The following TOP2A variants were observed in gnomAD, a reference collection of about 807,000 sequenced individuals.
TOP2A encodes DNA topoisomerase II alpha, also known as DNA topoisomerase 2-alpha.
A neutral mutation model predicts 187.2 loss-of-function variants in TOP2A; 68 were observed. The observed-to-expected ratio is 0.36, with a 90% CI of 0.30 to 0.44. The LOEUF is 0.44. Ranked by LOEUF, TOP2A falls within the 20% of genes least tolerant of loss-of-function variation. The probability of loss-of-function intolerance (pLI) is 1.00; values close to 1 mark genes in which losing one functional copy is unlikely to be tolerated. For synonymous variants in TOP2A, 542 were observed against 593.2 expected (o/e 0.91, Z 1.25); for missense variants, 1,196 against 1,808.7 (o/e 0.66, Z 6.14).
rs2035167601 is a variant in TOP2A, at chr17:40,400,652, G to A, written c.2676C>T (p.Tyr892=). ...CTTCAATAGTACCCTTGAAGTTCTTGTAACTTGGAAGCTAAATTGGCATTT... is the reference window on the plus strand; with the variant it reads ...CTTCAATAGTACCCTTGAAGTTCTTATAACTTGGAAGCTAAATTGGCATTT... ...GEEPLPMLPS[Y]KNFKGTIEEL... The change falls in exon 22 of 35, where the codon TAC becomes TAT. Residue 892 remains tyrosine (Y), a synonymous_variant. Coordinates refer to ENST00000423485, the MANE Select transcript of TOP2A (RefSeq NM_001067.4). 14 of 1,591,290 alleles carry A rather than the reference G, an allele frequency of 8.8e-6. No homozygotes were observed. The highest frequency in any genetic ancestry group is 4.5e-5 in the East Asian group (2 of 44,708).
chr17:40,403,351 C>T (rs1400192902), intron 19 of TOP2A, among the ~76,000 whole-genome samples: 1 of 152,192 alleles, frequency 6.6e-6, no homozygotes, highest in East Asian at 1.9e-4. Flanking sequence ...CATTTCTATT[C>T]TAGCATGTAT....
chr17:40,399,703 T>C (rs1343482022), intron 24 of TOP2A, among the ~76,000 whole-genome samples, 169 bp downstream of exon 24: 2 of 152,124 alleles, frequency 1.3e-5, no homozygotes, highest in African/African-American at 2.4e-5. Context: ...CATCATCTCT[T>C]TCAAACTATA....
intron 27 of TOP2A, among the ~76,000 whole-genome samples, chr17:40,397,781 T>G (rs1010062944): frequency 6.6e-6 from 1 of 150,498 alleles, no homozygotes; most frequent in Non-Finnish European, 1.5e-5. Flanking sequence ...AAATAGTATT[T>G]TTTTTTTTTT....
At chr17:40,406,557 A>C in intron 15 of TOP2A, 27 bp downstream of exon 15, 1 of 1,605,474 alleles carries the variant, frequency 6.2e-7, no homozygotes, top group Non-Finnish European at 8.5e-7. Flanking sequence ...ATAAAATGAG[A>C]AGTTCTATAT....
intron 4 of TOP2A, 141 bp from the exon 5 acceptor site, chr17:40,413,766 T>G (rs375156203): frequency 1.3e-4 from 56 of 420,214 alleles, no homozygotes; most frequent in Middle Eastern, 1.3e-3. Flanking sequence ...CCCAGCACTT[T>G]GGGAGGCTGA....
intron 13 of TOP2A, 63 bp downstream of exon 13, chr17:40,407,486 G>T (rs2143667854): frequency 7.4e-7 from 1 of 1,350,280 alleles, no homozygotes; most frequent in South Asian, 1.5e-5. Context: ...AAAAAACAAT[G>T]AAATTAAATT....
chr17:40,390,198 T>C, intron 33 of TOP2A, 34 bp from the exon 34 acceptor site: 3 of 1,567,090 alleles, frequency 1.9e-6, no homozygotes, highest in Non-Finnish European at 2.6e-6. Flanking sequence ...TCACAGCTGC[T>C]CTTTTTTTGA....
chr17:40,417,456 G>T (rs1430955657), intron 1 of TOP2A: 3 of 1,019,890 alleles, frequency 2.9e-6, no homozygotes, highest in Non-Finnish European at 4.0e-6. Flanking sequence ...GGAGGGGAAA[G>T]CATCTGTACG....
Position 40,407,543 on chromosome 17 carries a change from T to A in TOP2A, c.1626+6A>T. ...AACAATCTAAAAATTTAATAACAAATCTGACCTGATCTGTCATAATCATTA... is the reference window on the plus strand; with the variant it reads ...AACAATCTAAAAATTTAATAACAAAACTGACCTGATCTGTCATAATCATTA... On this transcript the variant is annotated splice_donor_region_variant and intron_variant, in intron 13 of 34. Transcript: ENST00000423485. 6.4e-7 allele frequency: 1 copy of A among 1,555,124 alleles called. No individual in the cohort carries two copies. The highest frequency in any genetic ancestry group is 8.6e-7 in the Non-Finnish European group (1 of 1,160,846).
chr17:40,404,962 AC>A, intron 16 of TOP2A, 79 bp from the exon 17 acceptor site: 1 of 861,534 alleles, frequency 1.2e-6, no homozygotes, highest in East Asian at 2.7e-5. Flanking sequence ...CAAAGAACGA[AC>A]AACAGAAAAA....
In TOP2A at chr17:40,407,970, C is replaced by T. The variant is rs1195636383; in HGVS notation, c.1497G>A (p.Lys499=). Residue 499 remains lysine (K), a synonymous_variant, in exon 12 of 35, where the codon AAG becomes AAA. Coordinates refer to ENST00000423485, the MANE Select transcript of TOP2A (RefSeq NM_001067.4). ...TGAAGATCGTCTTATATTCTACCTG[C>T]TTATGAGAAGCTTCTCGAACATTGA... ...KILNVREASH[K]QIMENAEINN... 2 of 1,611,744 alleles carry T rather than the reference C, an allele frequency of 1.2e-6. No homozygotes were observed. Among genetic ancestry groups the T allele is most frequent in the Non-Finnish European group, 8.5e-7 (1 of 1,178,850 alleles).
In TOP2A at chr17:40,396,326, T is replaced by G. The variant is rs369925563; in HGVS notation, c.3677A>C (p.Glu1226Ala). 3.3e-5 allele frequency: 53 copies of G among 1,612,578 alleles called. No homozygotes were observed. Among genetic ancestry groups the G allele is most frequent in the Non-Finnish European group, 4.2e-5 (50 of 1,178,830 alleles). Residue 1226 changes from glutamate to alanine, a missense_variant, in exon 28 of 35, where the codon GAA becomes GCA. Transcript: ENST00000423485. ...TTTCTTTTCTGCCTCTGCTTTCATTTCTATGGTTATTCGTGGAATGACTCT... is the reference window on the plus strand; with the variant it reads ...TTTCTTTTCTGCCTCTGCTTTCATTGCTATGGTTATTCGTGGAATGACTCT... ...GQRVIPRITI[E>A]MKAEAEKKNK...
Position 40,400,937 on chromosome 17 carries a change from C to G in TOP2A, c.2577G>C (p.Gly859=). ...LINGAEGIGT[G]WSCKIPNFDV... is the part of the protein sequence containing the mutation. ...CAAAGTTGGGGATTTTGCAGGACCA[C>G]CCAGTACCGATTCCTTCAGCACCAT... The change falls in exon 21 of 35, where the codon GGG becomes GGC. Residue 859 remains glycine, a synonymous_variant. Transcript: ENST00000423485. 1 of 1,613,910 alleles carries G rather than the reference C, an allele frequency of 6.2e-7. No individual in the cohort carries two copies. Among genetic ancestry groups the G allele is most frequent in the Non-Finnish European group, 8.5e-7 (1 of 1,179,882 alleles).
At chr17:40,393,961 C>A (rs528452813) in intron 29 of TOP2A, among the ~76,000 whole-genome samples, 527 of 150,984 alleles carry the variant, frequency 3.5e-3, no homozygotes, top group Non-Finnish European at 5.1e-3. Context: ...GAGGCTGAGG[C>A]AGGAGAATTG....
intron 10 of TOP2A, chr17:40,409,026 C>A: frequency 2.8e-6 from 1 of 361,586 alleles, no homozygotes; most frequent in East Asian, 7.7e-5. Flanking sequence ...GAAACCCCGG[C>A]TCTACTAAAA....
intron 20 of TOP2A, among the ~76,000 whole-genome samples, chr17:40,401,828 G>C (rs1001662126): frequency 6.6e-6 from 1 of 152,048 alleles, no homozygotes; most frequent in Non-Finnish European, 1.5e-5. Context: ...AAATGTGCTC[G>C]GTATATTTGA....
chr17:40,408,708 CT>C (rs1363188763), intron 10 of TOP2A, 78 bp from the exon 11 acceptor site: 8 of 1,413,204 alleles, frequency 5.7e-6, no homozygotes, highest in Middle Eastern at 1.8e-4. Flanking sequence ...ACAAATGAGC[CT>C]TAATACAAAT....
At chr17:40,391,948 A>T in intron 32 of TOP2A, 120 bp downstream of exon 32, 1 of 1,135,904 alleles carries the variant, frequency 8.8e-7, no homozygotes, top group Non-Finnish European at 1.2e-6. Context: ...CATAATGTTA[A>T]TAAGAACTCA....
intron 14 of TOP2A, 40 bp from the exon 15 acceptor site, chr17:40,406,729 G>A: frequency 6.3e-7 from 1 of 1,590,746 alleles, no homozygotes; most frequent in Non-Finnish European, 8.6e-7. Context: ...GTACACTGTG[G>A]GGTCCCCTGT....
Sources: gnomAD v4.1 joint callset for allele counts (sites outside exome capture counted in the v4.1 genomes callset) on GRCh38, gnomAD v4.1.1 for gene constraint, MANE v1.5 for transcripts, NCBI Gene and HGNC (gene_info 2026-07-23, HGNC 2026-07-21) for gene names.